Variants in LHFPL3 observed in about 807,000 individuals in gnomAD.
The protein encoded by LHFPL3 is LHFPL tetraspan subfamily member 3 protein.
In LHFPL3, 5 loss-of-function variants were observed where a neutral mutation model predicts 19.3. That is an observed-to-expected ratio of 0.26 (90% CI 0.14 to 0.54). The LOEUF (loss-of-function observed/expected upper bound fraction) is 0.54. LHFPL3 is among the 20% of genes least tolerant of loss of function. The pLI, the probability that LHFPL3 is intolerant of heterozygous loss-of-function variation, is 0.94. For synonymous variants in LHFPL3, 133 were observed against 126.2 expected, an observed-to-expected ratio of 1.05 and a Z score of -0.36; for missense variants, 249 against 307.4, an observed-to-expected ratio of 0.81 and a Z score of 1.42.
intron 1 of LHFPL3, among the ~76,000 whole-genome samples, chr7:104,508,533 A>G (rs1054886461): frequency 6.6e-6 from 1 of 151,252 alleles, no homozygotes; most frequent in Non-Finnish European, 1.5e-5. Context: ...TGGGTGCAGC[A>G]CACCAGCACG....
chr7:104,588,363 C>T lies in LHFPL3; in HGVS notation c.446-148312C>T, dbSNP rs574811870. ...TAGCCAGTTTTCCCAGCACCATTTA[C>T]TAAATAGGGAATCATTTCCCCGTTG... On this transcript the variant is annotated intron_variant, in intron 1 of 2. Coordinates refer to ENST00000424859, the MANE Select transcript of LHFPL3 (RefSeq NM_199000.3). Among the ~76,000 whole-genome samples the T allele has an allele frequency of 1.7e-4, 26 of 152,150 alleles. No individual in the cohort carries two copies. The East Asian group carries it at 4.2e-3, about 25-fold the overall frequency.
intron 1 of LHFPL3, among the ~76,000 whole-genome samples, chr7:104,575,338 G>A (rs1329076097): frequency 6.6e-6 from 1 of 151,950 alleles, no homozygotes; most frequent in Non-Finnish European, 1.5e-5. Context: ...TTAAGTGTCT[G>A]ATATGCCTCT....
intron 2 of LHFPL3, among the ~76,000 whole-genome samples, chr7:104,879,926 G>T (rs538896689): frequency 2.6e-5 from 4 of 152,128 alleles, no homozygotes; most frequent in African/African-American, 9.7e-5. Flanking sequence ...AGGTGTGATG[G>T]TATGCCAGTA....
chr7:104,400,238 A>G (rs1052715867), intron 1 of LHFPL3, among the ~76,000 whole-genome samples: 4 of 151,232 alleles, frequency 2.6e-5, no homozygotes, highest in African/African-American at 9.7e-5. Context: ...ACTGTAGTTC[A>G]AAGGAGAAAG....
At chr7:104,355,875 T>C (rs527797086) in intron 1 of LHFPL3, among the ~76,000 whole-genome samples, 58 of 152,358 alleles carry the variant, frequency 3.8e-4, no homozygotes, top group Non-Finnish European at 4.7e-4. Context: ...AAGGATTAGT[T>C]AATGTATTTT....
intron 1 of LHFPL3, among the ~76,000 whole-genome samples, chr7:104,675,137 T>C (rs4620217): frequency 0.94 from 143,918 of 152,334 alleles, 68,066 homozygotes; most frequent in East Asian, 0.99. Context: ...GGAATCTCCA[T>C]GGTGGGAGGC....
At chr7:104,839,074 G>C (rs1462617586) in intron 2 of LHFPL3, among the ~76,000 whole-genome samples, 2 of 152,218 alleles carry the variant, frequency 1.3e-5, no homozygotes, top group Non-Finnish European at 2.9e-5. Context: ...ACTCCCAAGG[G>C]GAGCTCCCTG....
At chr7:104,369,179 C>T (rs941740200) in intron 1 of LHFPL3, among the ~76,000 whole-genome samples, 1 of 152,054 alleles carries the variant, frequency 6.6e-6, no homozygotes, top group Non-Finnish European at 1.5e-5. Flanking sequence ...TACCATCAAC[C>T]CCCCCAAAAT....
intron 2 of LHFPL3, among the ~76,000 whole-genome samples, chr7:104,840,144 T>C (rs1584568635): frequency 2.6e-5 from 4 of 152,056 alleles, no homozygotes; most frequent in Non-Finnish European, 1.5e-5. Flanking sequence ...ATCTATAACA[T>C]TTGGACTGGA....
chr7:104,718,868 A>C (rs187818060), intron 1 of LHFPL3, among the ~76,000 whole-genome samples: 1 of 152,268 alleles, frequency 6.6e-6, no homozygotes, highest in East Asian at 1.9e-4. Context: ...CTAGCAGGAT[A>C]ACCACTGGTC....
chr7:104,376,532 C>T (rs886146581), intron 1 of LHFPL3, among the ~76,000 whole-genome samples: 2 of 152,082 alleles, frequency 1.3e-5, no homozygotes, highest in Non-Finnish European at 2.9e-5. Flanking sequence ...TGATAATGTC[C>T]CTGCTACTTT....
At chr7:104,501,749 G>A (rs922299857) in intron 1 of LHFPL3, among the ~76,000 whole-genome samples, 5 of 152,180 alleles carry the variant, frequency 3.3e-5, no homozygotes, top group Non-Finnish European at 5.9e-5. Flanking sequence ...TTGAAAGAAA[G>A]TTCTAGAAAT....
At chr7:104,437,595 A>G (rs186423631) in intron 1 of LHFPL3, among the ~76,000 whole-genome samples, 79 of 152,352 alleles carry the variant, frequency 5.2e-4, no homozygotes, top group Middle Eastern at 3.4e-3. Flanking sequence ...CTACGAATCA[A>G]AAGTTCCTAC....
intron 1 of LHFPL3, among the ~76,000 whole-genome samples, chr7:104,612,753 G>A (rs1791235057): frequency 6.6e-6 from 1 of 152,156 alleles, no homozygotes; most frequent in South Asian, 2.1e-4. Context: ...TGTGAAGGAC[G>A]ATGACACTAC....
Position 104,358,544 on chromosome 7 carries a change from T to G in LHFPL3, c.445+29320T>G, listed in dbSNP as rs77251954. 6.6e-3 allele frequency among the ~76,000 whole-genome samples: 1,007 copies of G among 152,322 alleles called. 69 individuals are homozygous for G. The East Asian group carries it at 0.16, about 24-fold the overall frequency. ...AGTTGTTTTAGCCTGTTGTTCTACA[T>G]GTACAGCTTATAACGTGAGAGCATA... On this transcript the variant is annotated intron_variant, in intron 1 of 2. Coordinates refer to ENST00000424859, the MANE Select transcript of LHFPL3 (RefSeq NM_199000.3).
At chr7:104,741,461 C>CA (rs5886331) in intron 2 of LHFPL3, among the ~76,000 whole-genome samples, 3,612 of 92,652 alleles carry the variant, frequency 0.039, 66 homozygotes, top group Non-Finnish European at 0.05. Context: ...TTCTTTATGC[C>CA]AAAAAAAAAA....
At chr7:104,724,641 A>G (rs1391767724) in intron 1 of LHFPL3, among the ~76,000 whole-genome samples, 1 of 152,230 alleles carries the variant, frequency 6.6e-6, no homozygotes, top group African/African-American at 2.4e-5. Flanking sequence ...AAGACCAGGA[A>G]AAATAACTAA....
intron 1 of LHFPL3, among the ~76,000 whole-genome samples, chr7:104,620,606 T>C (rs1317953932): frequency 6.6e-6 from 1 of 152,208 alleles, no homozygotes; most frequent in Non-Finnish European, 1.5e-5. Context: ...CTTTGTCCTT[T>C]GTTATACACA....
intron 2 of LHFPL3, among the ~76,000 whole-genome samples, chr7:104,765,422 C>A (rs35444491): frequency 1.3e-5 from 2 of 152,178 alleles, no homozygotes; most frequent in African/African-American, 4.8e-5. Context: ...AAAGAGATAC[C>A]TAAATAACCT....
Sources: allele counts gnomAD v4.1 joint callset (sites outside exome capture counted in the v4.1 genomes callset), GRCh38; gene constraint gnomAD v4.1.1; transcripts MANE v1.5; gene names NCBI Gene and HGNC (gene_info 2026-07-23, HGNC 2026-07-21).